Variants in PAIP2 observed in about 807,000 individuals in gnomAD.
The protein encoded by PAIP2 is polyadenylate-binding protein-interacting protein 2.
In PAIP2, 7 loss-of-function variants were observed where a neutral mutation model predicts 14.8. The observed-to-expected ratio is 0.47, with a 90% CI of 0.27 to 0.89. PAIP2 has a LOEUF of 0.89. PAIP2 is among the 40% of genes least tolerant of loss of function. The pLI is 0.13. For synonymous variants in PAIP2, 47 were observed against 45.3 expected (o/e 1.04, Z -0.15); for missense variants, 122 against 154.7 (o/e 0.79, Z 1.12).
intron 3 of PAIP2, among the ~76,000 whole-genome samples, chr5:139,366,133 G>A (rs185148917): frequency 1.3e-5 from 2 of 151,422 alleles, no homozygotes; most frequent in East Asian, 3.9e-4. Context: ...AATCTGGGAG[G>A]TGGAGGTTGT....
In PAIP2 at chr5:139,359,036, G is replaced by A. The variant is rs138841088; in HGVS notation, c.-26-4723G>A. Among the ~76,000 whole-genome samples, 524 of 152,166 alleles carry A rather than the reference G, an allele frequency of 3.4e-3. 1 individual carries two copies. Among genetic ancestry groups the A allele is most frequent in the African/African-American group, 0.011 (473 of 41,532 alleles). Reference sequence around the variant, plus strand: ...GTTGCCCAGGCTGGAATGCAGTGGCGTGCGATCATGGCTCTCTGCAGCCTT... The same window carrying A: ...GTTGCCCAGGCTGGAATGCAGTGGCATGCGATCATGGCTCTCTGCAGCCTT... On this transcript the variant is annotated intron_variant, in intron 1 of 3. Coordinates refer to ENST00000265192, the MANE Select transcript of PAIP2 (RefSeq NM_016480.5).
chr5:139,368,697 T>G, intron 3 of PAIP2, 36 bp from the exon 4 acceptor site: 1 of 1,447,228 alleles, frequency 6.9e-7, no homozygotes, highest in Non-Finnish European at 9.7e-7. Context: ...TGAAACTGTG[T>G]TAATGAACTT....
In PAIP2 at chr5:139,364,580, G is replaced by A; in HGVS notation, c.155G>A (p.Trp52Ter). ...EFNRQIEEEL[W>*]EEEFIERCFQ... The stretch of plus-strand genomic sequence containing the variant: ...TAAATCTAGATAGAAGAGGAGTTAT[G>A]GGAAGAAGAATTTATTGAACGCTGT... Residue 52 changes from tryptophan (W) to a stop codon, truncating the protein, a stop_gained, in exon 3 of 4, where the codon TGG becomes TAG. Transcript: ENST00000265192. LOFTEE classifies it high-confidence loss of function. The A allele has an allele frequency of 9.4e-6, 15 of 1,597,302 alleles. No individual in the cohort carries two copies. Among genetic ancestry groups the A allele is most frequent in the Admixed American group, 1.7e-5 (1 of 59,912 alleles).
intron 1 of PAIP2, among the ~76,000 whole-genome samples, chr5:139,356,808 A>G (rs1436158696): frequency 6.7e-6 from 1 of 149,140 alleles, no homozygotes; most frequent in Non-Finnish European, 1.5e-5. Context: ...AATCGCTTGA[A>G]CCCGGGAGGT....
chr5:139,350,450 A>G (rs1162481892), intron 1 of PAIP2, among the ~76,000 whole-genome samples: 2 of 151,680 alleles, frequency 1.3e-5, no homozygotes, highest in African/African-American at 4.8e-5. Context: ...GGCCAACATG[A>G]CAAAACCCCA....
At chr5:139,357,370 C>T (rs918211058) in intron 1 of PAIP2, among the ~76,000 whole-genome samples, 1 of 152,198 alleles carries the variant, frequency 6.6e-6, no homozygotes, top group African/African-American at 2.4e-5. Flanking sequence ...AGCTTTTCTT[C>T]CCAGGCTTTT....
intron 1 of PAIP2, among the ~76,000 whole-genome samples, chr5:139,348,801 C>T (rs534519775): frequency 6.6e-6 from 1 of 151,994 alleles, no homozygotes; most frequent in Admixed American, 6.6e-5. Context: ...CCTCAGCCTC[C>T]CCAGTAGCTG....
In PAIP2 at chr5:139,369,137, T is replaced by G. The variant is rs545055417; in HGVS notation, c.*339T>G. ...CTATCACTTGTTAATGTCTAAACTT[T>G]AAAATCAGTACATTTAATTTGAGTT... On this transcript the variant is annotated 3_prime_UTR_variant, in exon 4 of 4. Transcript: ENST00000265192. 22 of 177,094 alleles carry G rather than the reference T, an allele frequency of 1.2e-4. No homozygotes were observed. Among genetic ancestry groups the G allele is most frequent in the Non-Finnish European group, 2.6e-4 (22 of 84,688 alleles). The allele number at this position is 177,094 out of a possible 1,614,324, so 11.0% of individuals were successfully genotyped here.
chr5:139,358,855 G>A (rs918888570), intron 1 of PAIP2, among the ~76,000 whole-genome samples: 27 of 152,208 alleles, frequency 1.8e-4, no homozygotes, highest in Non-Finnish European at 2.5e-4. Flanking sequence ...GTCCAAGTTG[G>A]GGGGCTTGGG....
chr5:139,363,844 T>C lies in PAIP2; in HGVS notation c.60T>C (p.Ile20=). ...GCATCATCAATGAAGATGTGATTAT[T>C]AACGGTCATTCTCATGAAGATGACA... ...SPSIINEDVI[I]NGHSHEDDNP... Residue 20 remains isoleucine, a synonymous_variant, in exon 2 of 4, where the codon ATT becomes ATC. Transcript: ENST00000265192. The C allele has an allele frequency of 6.2e-7, 1 of 1,613,858 alleles. No homozygotes were observed. Among genetic ancestry groups the C allele is most frequent in the Non-Finnish European group, 8.5e-7 (1 of 1,179,722 alleles).
intron 1 of PAIP2, among the ~76,000 whole-genome samples, chr5:139,346,934 C>G (rs529773670): frequency 1.3e-5 from 2 of 152,112 alleles, no homozygotes; most frequent in African/African-American, 4.8e-5. Flanking sequence ...CTCAGGCTCC[C>G]GAGTAGCTGG....
chr5:139,356,290 A>G (rs1756910250), intron 1 of PAIP2, among the ~76,000 whole-genome samples: 1 of 151,082 alleles, frequency 6.6e-6, no homozygotes, highest in Non-Finnish European at 1.5e-5. Flanking sequence ...TACTAAAAAT[A>G]TAAAAATTAG....
chr5:139,362,405 G>GTTT (rs554669690), intron 1 of PAIP2, among the ~76,000 whole-genome samples: 850 of 73,860 alleles, frequency 0.012, 10 homozygotes, highest in African/African-American at 0.024. Flanking sequence ...GTTTTTGGGT[G>GTTT]TTTTTTTTTT....
At chr5:139,345,619 T>C (rs1756517099) in intron 1 of PAIP2, among the ~76,000 whole-genome samples, 1 of 151,234 alleles carries the variant, frequency 6.6e-6, no homozygotes, top group Non-Finnish European at 1.5e-5. Context: ...AAGAGAACTA[T>C]GCTTGAATTT....
intron 1 of PAIP2, among the ~76,000 whole-genome samples, chr5:139,347,516 C>T (rs1276263277): frequency 6.6e-6 from 1 of 152,060 alleles, no homozygotes; most frequent in African/African-American, 2.4e-5. Flanking sequence ...TCAAATGATC[C>T]ACCCACCTTG....
intron 1 of PAIP2, among the ~76,000 whole-genome samples, chr5:139,361,878 G>A (rs1250349433): frequency 1.6e-4 from 25 of 151,626 alleles, no homozygotes; most frequent in African/African-American, 4.4e-4. Flanking sequence ...CCTGGGAGGC[G>A]GAGGTTGCGG....
intron 1 of PAIP2, among the ~76,000 whole-genome samples, chr5:139,347,008 A>G (rs566795583): frequency 6.6e-6 from 1 of 151,974 alleles, no homozygotes; most frequent in Non-Finnish European, 1.5e-5. Context: ...GGGTTTCACC[A>G]TGTTGGCCAG....
chr5:139,361,829 C>T (rs1757074076), intron 1 of PAIP2, among the ~76,000 whole-genome samples: 3 of 151,846 alleles, frequency 2.0e-5, no homozygotes, highest in Admixed American at 2.0e-4. Flanking sequence ...GCCTGTAATC[C>T]CAGCTACTCT....
intron 2 of PAIP2, 135 bp from the exon 3 acceptor site, chr5:139,364,428 AT>A: frequency 2.4e-5 from 13 of 548,562 alleles, no homozygotes; most frequent in South Asian, 9.0e-5. Context: ...TATGGTAAGC[AT>A]TTTTTTTCCT....
Sources: gnomAD v4.1 joint callset for allele counts (sites outside exome capture counted in the v4.1 genomes callset) on GRCh38, gnomAD v4.1.1 for gene constraint, MANE v1.5 for transcripts, NCBI Gene and HGNC (gene_info 2026-07-23, HGNC 2026-07-21) for gene names.